The following LNPEP variants were observed in gnomAD, a reference collection of about 807,000 sequenced individuals.
LNPEP encodes leucyl-cystinyl aminopeptidase.
In LNPEP, 64 loss-of-function variants were observed where a neutral mutation model predicts 120.6. That is an observed-to-expected ratio of 0.53 (90% CI 0.43 to 0.65). The LOEUF (loss-of-function observed/expected upper bound fraction) is 0.65. Ranked by LOEUF, LNPEP falls within the 30% of genes least tolerant of loss-of-function variation. The pLI is 0.00. For missense variants in LNPEP, 1,057 were observed against 1,200.0 expected, an observed-to-expected ratio of 0.88 and a Z score of 1.76; for synonymous variants, 435 against 425.4, an observed-to-expected ratio of 1.02 and a Z score of -0.28.
intron 1 of LNPEP, 63 bp from the exon 2 acceptor site, chr5:96,979,075 A>C: frequency 6.6e-7 from 1 of 1,509,498 alleles, no homozygotes; most frequent in Non-Finnish European, 8.8e-7. Flanking sequence ...AAGACATGTT[A>C]TTAATATTAT....
At chr5:97,003,171 C>A (rs541507568) in intron 8 of LNPEP, among the ~76,000 whole-genome samples, 16 of 152,276 alleles carry the variant, frequency 1.1e-4, no homozygotes, top group African/African-American at 3.8e-4. Context: ...CAGAATGACT[C>A]ATGGTTAGAA....
chr5:96,972,490 G>C (rs1429423611), intron 1 of LNPEP, among the ~76,000 whole-genome samples: 2 of 152,012 alleles, frequency 1.3e-5, no homozygotes, highest in Non-Finnish European at 2.9e-5. Flanking sequence ...TACACCTCAT[G>C]TCCTAAATTG....
At chr5:96,966,890 TTTCA>T (rs1789739582) in intron 1 of LNPEP, among the ~76,000 whole-genome samples, 1 of 152,102 alleles carries the variant, frequency 6.6e-6, no homozygotes, top group African/African-American at 2.4e-5. Flanking sequence ...AAAAATGATG[TTTCA>T]TTGTCATTCA....
At chr5:97,003,272 CTAAG>C in intron 8 of LNPEP, 139 bp from the exon 9 acceptor site, 1 of 534,090 alleles carries the variant, frequency 1.9e-6, no homozygotes, top group Non-Finnish European at 3.3e-6. Flanking sequence ...CTATATGAGA[CTAAG>C]TAGCAGTATA....
At chr5:96,985,406 T>C (rs909639017) in intron 3 of LNPEP, among the ~76,000 whole-genome samples, 188 bp downstream of exon 3, 13 of 152,144 alleles carry the variant, frequency 8.5e-5, no homozygotes, top group African/African-American at 3.1e-4. Flanking sequence ...TGAGGAGGAC[T>C]TGAGGAAAGA....
chr5:96,942,290 A>T (rs1789073357), intron 1 of LNPEP: 1 of 152,104 alleles, frequency 6.6e-6, no homozygotes, highest in Non-Finnish European at 1.5e-5. Context: ...GCTCGCTCTC[A>T]CCAAAAAACA....
intron 16 of LNPEP, among the ~76,000 whole-genome samples, chr5:97,027,454 T>A (rs1463407374): frequency 6.6e-6 from 1 of 152,234 alleles, no homozygotes; most frequent in Non-Finnish European, 1.5e-5. Context: ...CTTCTTTCTC[T>A]CTTTTAAATC....
At position 97,031,600 on chromosome 5, in the gene LNPEP, T is replaced by G. The variant is rs1387916718; in HGVS notation, c.*3067T>G. 6.6e-6 allele frequency: 1 copy of G among 152,152 alleles called. No homozygotes were observed. The highest frequency in any genetic ancestry group is 1.5e-5 in the Non-Finnish European group (1 of 68,050). The allele number at this position is 152,152 out of a possible 1,614,324, so 9.4% of individuals were successfully genotyped here. A position where few individuals can be genotyped will look rare whatever the true frequency, so the allele number is the denominator to read the frequency against. On this transcript the variant is annotated 3_prime_UTR_variant, in exon 18 of 18. Transcript: ENST00000231368. ...TTTCTATTAGGAAATAAGAAATCAGTTAAGTGTTGGCTGGGCGCGGTGGCT... is the reference window on the plus strand; with the variant it reads ...TTTCTATTAGGAAATAAGAAATCAGGTAAGTGTTGGCTGGGCGCGGTGGCT...
intron 2 of LNPEP, among the ~76,000 whole-genome samples, chr5:96,981,238 C>CA (rs1582001423): frequency 1.3e-5 from 2 of 151,560 alleles, no homozygotes; most frequent in Admixed American, 6.6e-5. Context: ...GAGAGAAAGA[C>CA]AAAAAAATGG....
intron 1 of LNPEP, among the ~76,000 whole-genome samples, chr5:96,949,454 A>C (rs1480629854): frequency 6.6e-6 from 1 of 152,100 alleles, no homozygotes; most frequent in Non-Finnish European, 1.5e-5. Flanking sequence ...TTTCATCCCA[A>C]AACCATCATC....
chr5:96,961,574 G>A (rs1476100340), intron 1 of LNPEP, among the ~76,000 whole-genome samples: 2 of 151,964 alleles, frequency 1.3e-5, no homozygotes, highest in African/African-American at 4.8e-5. Flanking sequence ...GCAAAACAAA[G>A]TGTCAGCAGC....
rs1203511968 is a variant in LNPEP at position 97,034,463 on chromosome 5, T to C, written c.*5930T>C. ...GGAATTTCTGGGTTTGTCTTTTTTT[T>C]AATGTATATAAAAGTTTGCTAGTTG... On this transcript the variant is annotated 3_prime_UTR_variant, in exon 18 of 18. Coordinates refer to ENST00000231368, the MANE Select transcript of LNPEP (RefSeq NM_005575.3). The C allele has an allele frequency of 6.6e-6, 1 of 151,928 alleles. No homozygotes were observed. The highest frequency in any genetic ancestry group is 1.9e-4 in the East Asian group (1 of 5,192). 9.4% of individuals were successfully genotyped at this position (151,928 alleles called of 1,614,324 possible). A position where few individuals can be genotyped will look rare whatever the true frequency, so the allele number is the denominator to read the frequency against.
In LNPEP at chr5:97,036,964, T is replaced by C. The variant is rs1290992124; in HGVS notation, c.*8431T>C. On this transcript the variant is annotated 3_prime_UTR_variant, in exon 18 of 18. Coordinates refer to ENST00000231368, the MANE Select transcript of LNPEP (RefSeq NM_005575.3). ...TAAAATACTTCAAAGGAAGTAAAGGTCATGGCTTAGCTGAAGGAAATGCTC... is the reference window on the plus strand; with the variant it reads ...TAAAATACTTCAAAGGAAGTAAAGGCCATGGCTTAGCTGAAGGAAATGCTC... 1 of 152,136 alleles carries C rather than the reference T, an allele frequency of 6.6e-6. No individual in the cohort carries two copies. The highest frequency in any genetic ancestry group is 2.4e-5 in the African/African-American group (1 of 41,440). 9.4% of individuals were successfully genotyped at this position (152,136 alleles called of 1,614,324 possible). A position where few individuals can be genotyped will look rare whatever the true frequency, so the allele number is the denominator to read the frequency against.
chr5:96,990,452 A>C (rs1790364376), intron 4 of LNPEP, among the ~76,000 whole-genome samples: 1 of 152,232 alleles, frequency 6.6e-6, no homozygotes, highest in Admixed American at 6.5e-5. Context: ...CTCCAGTTCT[A>C]TACATATAAT....
chr5:96,964,104 G>C (rs1184706286), intron 1 of LNPEP, among the ~76,000 whole-genome samples: 4 of 150,308 alleles, frequency 2.7e-5, no homozygotes, highest in African/African-American at 9.8e-5. Flanking sequence ...TTCTATGATT[G>C]ATATCAACTT....
chr5:96,986,525 C>T lies in LNPEP; in HGVS notation c.1000-14C>T. 1 of 1,608,278 alleles carries T rather than the reference C, an allele frequency of 6.2e-7. No individual in the cohort carries two copies. Among genetic ancestry groups the T allele is most frequent in the Non-Finnish European group, 8.5e-7 (1 of 1,176,640 alleles). On this transcript the variant is annotated splice_polypyrimidine_tract_variant and intron_variant, in intron 3 of 17. Coordinates refer to ENST00000231368, the MANE Select transcript of LNPEP (RefSeq NM_005575.3). The stretch of plus-strand genomic sequence containing the variant: ...CCTATAGTTACAGAACTGTCTTTTC[C>T]CCTTTGCTTGTAGAAGTCATCAGTC...
chr5:96,990,417 A>G (rs888182683), intron 4 of LNPEP, among the ~76,000 whole-genome samples: 12 of 152,212 alleles, frequency 7.9e-5, no homozygotes, highest in African/African-American at 2.9e-4. Context: ...TTACTTTAGA[A>G]AGCTACATAT....
intron 13 of LNPEP, among the ~76,000 whole-genome samples, chr5:97,020,416 G>A (rs191716206): frequency 6.6e-6 from 1 of 152,304 alleles, no homozygotes; most frequent in Admixed American, 6.5e-5. Flanking sequence ...CCAGCAGGAA[G>A]AAATCTTCCT....
chr5:96,993,669 T>C, intron 5 of LNPEP, 148 bp from the exon 6 acceptor site: 2 of 762,408 alleles, frequency 2.6e-6, no homozygotes, highest in Non-Finnish European at 4.3e-6. Context: ...GTAGAGAGCA[T>C]ACAGAGCTAG....
Sources: gnomAD v4.1 joint callset for allele counts (sites outside exome capture counted in the v4.1 genomes callset) on GRCh38, gnomAD v4.1.1 for gene constraint, MANE v1.5 for transcripts, NCBI Gene and HGNC (gene_info 2026-07-23, HGNC 2026-07-21) for gene names.